The following NLGN4Y variants were observed in gnomAD, a reference collection of about 807,000 sequenced individuals.
NLGN4Y encodes the protein neuroligin-4, Y-linked.
Under a neutral mutation model 8.4 loss-of-function variants are expected in NLGN4Y, and 4 were observed. That is an observed-to-expected ratio of 0.48 (90% CI 0.23 to 1.09). The LOEUF is 1.09. Among genes scored for constraint, NLGN4Y ranks in the 50% least tolerant of loss-of-function variants. The pLI is 0.19. For missense variants in NLGN4Y, 90 were observed against 192.3 expected (o/e 0.47, Z 3.15); for synonymous variants, 35 against 75.6 (o/e 0.46, Z 2.78).
chrY:14,777,671 T>C, intron 4 of NLGN4Y, among the ~76,000 whole-genome samples: 4 of 28,163 alleles, frequency 1.4e-4, no homozygotes, highest in African/African-American at 5.6e-4. Flanking sequence ...GAGAGAGAGA[T>C]AGACAGAGAG....
chrY:14,681,198 GGAA>G, intron 2 of NLGN4Y, among the ~76,000 whole-genome samples: 1 of 33,472 alleles, frequency 3.0e-5, no homozygotes, highest in Non-Finnish European at 7.4e-5. Context: ...AATTTACAAA[GGAA>G]GAAGGTTTAA....
chrY:14,822,273 T>C, intron 4 of NLGN4Y, among the ~76,000 whole-genome samples: 1 of 33,970 alleles, frequency 2.9e-5, no homozygotes, highest in Non-Finnish European at 7.3e-5. Flanking sequence ...TACAGAATAT[T>C]TGGAGGAAAT....
rs72611607 is a variant in NLGN4Y at position 14,631,414 on chromosome Y, T to C, written c.472+8823T>C. ...AGAGTTGTAGCCTTCCAGGCTGGTCTGGAACTCCTAGCCTCAAGTGATCCT... is the reference window on the plus strand; with the variant it reads ...AGAGTTGTAGCCTTCCAGGCTGGTCCGGAACTCCTAGCCTCAAGTGATCCT... On this transcript the variant is annotated intron_variant, in intron 2 of 6. Coordinates refer to ENST00000684976, the MANE Select transcript of NLGN4Y (RefSeq NM_001365588.1). Among the ~76,000 whole-genome samples, 171 of 34,104 alleles carry C rather than the reference T, an allele frequency of 5.0e-3. No individual in the cohort carries two copies. In the East Asian group the frequency reaches 0.12, roughly 24 times the overall value. The allele number at this position is 34,104 out of a possible 37,273, so 91.5% of individuals were successfully genotyped here.
At chrY:14,534,768 C>CGTGT (rs112527610) in intron 1 of NLGN4Y, among the ~76,000 whole-genome samples, 613 of 20,109 alleles carry the variant, frequency 0.03, no homozygotes, top group African/African-American at 0.033. Flanking sequence ...TTTTATCTCT[C>CGTGT]GTGTGTGTGT....
At chrY:14,774,623 C>T in intron 4 of NLGN4Y, among the ~76,000 whole-genome samples, 2 of 32,627 alleles carry the variant, frequency 6.1e-5, no homozygotes, top group Admixed American at 2.8e-4. Context: ...GGATCTGGAA[C>T]AAAAAATACC....
At chrY:14,697,594 G>GAGGTAGATAGAT (rs2080834910) in intron 2 of NLGN4Y, among the ~76,000 whole-genome samples, 1 of 21,127 alleles carries the variant, frequency 4.7e-5, no homozygotes, top group South Asian at 1.6e-3. Flanking sequence ...ATAGATGAGA[G>GAGGTAGATAGAT]AGATAGATAG....
intron 2 of NLGN4Y, among the ~76,000 whole-genome samples, chrY:14,649,051 A>C (rs987372399): frequency 1.2e-4 from 4 of 32,231 alleles, no homozygotes; most frequent in Non-Finnish European, 3.0e-4. Context: ...CAGTTGTCAT[A>C]TACAATGAAA....
intron 4 of NLGN4Y, among the ~76,000 whole-genome samples, chrY:14,756,287 C>A (rs2081056157): frequency 3.0e-5 from 1 of 33,310 alleles, no homozygotes; most frequent in Non-Finnish European, 7.4e-5. Context: ...CTGTTGGAAG[C>A]TCTCAGTTTG....
chrY:14,708,617 T>A, intron 2 of NLGN4Y, among the ~76,000 whole-genome samples: 1 of 33,270 alleles, frequency 3.0e-5, no homozygotes, highest in Non-Finnish European at 7.4e-5. Context: ...TCTTAGGAAA[T>A]ATAATTTAGG....
intron 4 of NLGN4Y, among the ~76,000 whole-genome samples, chrY:14,755,337 G>A: frequency 6.0e-5 from 2 of 33,439 alleles, no homozygotes; most frequent in African/African-American, 1.2e-4. Flanking sequence ...TTGTTTCTAT[G>A]TGTTTACTTC....
At chrY:14,663,624 AC>A (rs2080682438) in intron 2 of NLGN4Y, among the ~76,000 whole-genome samples, 3 of 32,628 alleles carry the variant, frequency 9.2e-5, no homozygotes, top group Admixed American at 2.8e-4. Context: ...AGCTTGACTA[AC>A]ATGGTGAAAC....
At chrY:14,568,600 G>A in intron 1 of NLGN4Y, among the ~76,000 whole-genome samples, 1 of 33,017 alleles carries the variant, frequency 3.0e-5, no homozygotes, top group Non-Finnish European at 7.4e-5. Context: ...TATGTGGGAG[G>A]AAAGAATGTA....
chrY:14,645,534 GA>G (rs1289829854), intron 2 of NLGN4Y, among the ~76,000 whole-genome samples: 2 of 29,989 alleles, frequency 6.7e-5, no homozygotes, highest in Admixed American at 6.2e-4. Context: ...AACAATTAGG[GA>G]AAAAAAAAGA....
intron 6 of NLGN4Y, among the ~76,000 whole-genome samples, chrY:14,835,046 T>G: frequency 3.0e-5 from 1 of 33,567 alleles, no homozygotes; most frequent in Non-Finnish European, 7.4e-5. Context: ...GTGGTCATCA[T>G]GTCATGTGTT....
At chrY:14,840,149 G>A (rs962849643) in intron 6 of NLGN4Y, among the ~76,000 whole-genome samples, 1 of 33,394 alleles carries the variant, frequency 3.0e-5, no homozygotes, top group African/African-American at 1.2e-4. Context: ...TTAAAAAATA[G>A]TAAACATGTT....
chrY:14,790,902 A>G (rs2042983431), intron 4 of NLGN4Y, among the ~76,000 whole-genome samples: 1 of 33,947 alleles, frequency 2.9e-5, no homozygotes, highest in Non-Finnish European at 7.3e-5. Flanking sequence ...TACACTCTTA[A>G]CTACAAAGAG....
intron 4 of NLGN4Y, among the ~76,000 whole-genome samples, chrY:14,764,401 T>A (rs1603503704): frequency 3.0e-5 from 1 of 33,448 alleles, no homozygotes; most frequent in African/African-American, 1.2e-4. Flanking sequence ...CTTCATAGGC[T>A]CTGTCGACCA....
Position 14,598,500 on chromosome Y carries a change from C to T in NLGN4Y, c.-111-23509C>T, listed in dbSNP as rs764631182. On this transcript the variant is annotated intron_variant, in intron 1 of 6. Coordinates refer to ENST00000684976, the MANE Select transcript of NLGN4Y (RefSeq NM_001365588.1). Reference sequence around the variant, plus strand: ...TGGCCGGCTGCTCCGAGTGCGGGGCCAGCCAAGCCCACGCCCACCCAGAAC... The same window carrying T: ...TGGCCGGCTGCTCCGAGTGCGGGGCTAGCCAAGCCCACGCCCACCCAGAAC... 1.1e-3 allele frequency among the ~76,000 whole-genome samples: 36 copies of T among 33,386 alleles called. No homozygotes were observed. In the South Asian group the frequency reaches 0.025, roughly 23 times the overall value. 89.6% of individuals were successfully genotyped at this position (33,386 alleles called of 37,273 possible).
At chrY:14,747,283 T>G in intron 4 of NLGN4Y, among the ~76,000 whole-genome samples, 1 of 32,617 alleles carries the variant, frequency 3.1e-5, no homozygotes, top group African/African-American at 1.2e-4. Flanking sequence ...AGATGATGCA[T>G]GAGTTCTTGC....
Sources: gnomAD v4.1 joint callset for allele counts (sites outside exome capture counted in the v4.1 genomes callset) on GRCh38, gnomAD v4.1.1 for gene constraint, MANE v1.5 for transcripts, NCBI Gene and HGNC (gene_info 2026-07-23, HGNC 2026-07-21) for gene names.